Variants in PDGFRA observed in about 807,000 individuals in gnomAD.
The protein encoded by PDGFRA is platelet derived growth factor receptor alpha.
PDGFRA carries 25 observed loss-of-function variants against 121.5 expected under a neutral mutation model. That is an observed-to-expected ratio of 0.21 (90% confidence interval 0.15 to 0.29). The LOEUF is 0.29. Ranked by LOEUF, PDGFRA falls within the 10% of genes least tolerant of loss-of-function variation. The pLI, the probability that PDGFRA is intolerant of heterozygous loss-of-function variation, is 1.00. For synonymous variants in PDGFRA, 463 were observed against 494.8 expected (o/e 0.94, Z 0.85); for missense variants, 1,008 against 1,345.1 (o/e 0.75, Z 3.92).
Position 54,296,443 on chromosome 4 carries a change from C to G in PDGFRA, c.*1171C>G. On this transcript the variant is annotated 3_prime_UTR_variant, in exon 23 of 23. Transcript: ENST00000257290. ...ATATGTATTTTTTGAATCTATGAAC[C>G]TGAAAAGGGTCAGAAGGATGCCCAG... The G allele has an allele frequency of 4.6e-6, 1 of 215,274 alleles. No individual in the cohort carries two copies. Among genetic ancestry groups the G allele is most frequent in the East Asian group, 6.9e-5 (1 of 14,426 alleles). 13.3% of individuals were successfully genotyped at this position (215,274 alleles called of 1,614,324 possible). A position where few individuals can be genotyped will look rare whatever the true frequency, so the allele number is the denominator to read the frequency against.
intron 1 of PDGFRA, among the ~76,000 whole-genome samples, chr4:54,244,567 T>C (rs967569764): frequency 1.3e-5 from 2 of 152,104 alleles, no homozygotes; most frequent in Non-Finnish European, 2.9e-5. Flanking sequence ...AACCCATCTG[T>C]ACATCACCAT....
At chr4:54,294,044 A>G (rs1391930866) in intron 22 of PDGFRA, among the ~76,000 whole-genome samples, 1 of 151,896 alleles carries the variant, frequency 6.6e-6, no homozygotes, top group Non-Finnish European at 1.5e-5. Context: ...GTTTATTTGT[A>G]TGGACTGGGT....
At chr4:54,289,262 G>A (rs912084859) in intron 21 of PDGFRA, 148 bp downstream of exon 21, 40 of 700,496 alleles carry the variant, frequency 5.7e-5, no homozygotes, top group African/African-American at 2.5e-4. Flanking sequence ...GGTGCTCCAC[G>A]AGACCCTAGT....
chr4:54,242,688 C>A (rs1721374537), intron 1 of PDGFRA, among the ~76,000 whole-genome samples: 1 of 151,918 alleles, frequency 6.6e-6, no homozygotes, highest in Non-Finnish European at 1.5e-5. Flanking sequence ...TCTCAGTGGA[C>A]TGAATTATTT....
At position 54,274,523 on chromosome 4, in the gene PDGFRA, T is replaced by C. The variant is rs113586781; in HGVS notation, c.1559-8T>C. On this transcript the variant is annotated splice_polypyrimidine_tract_variant and splice_region_variant and intron_variant, in intron 10 of 22. Transcript: ENST00000257290. ...CTTTTCATTGTGCCTCTCTCTCTTG[T>C]CACGTAGCCCTGCGTTCTGAACTCA... 6.2e-7 allele frequency: 1 copy of C among 1,607,474 alleles called. No individual in the cohort carries two copies. Among genetic ancestry groups the C allele is most frequent in the South Asian group, 1.1e-5 (1 of 90,920 alleles).
At chr4:54,231,987 G>T (rs1023565411) in intron 1 of PDGFRA, among the ~76,000 whole-genome samples, 2 of 152,256 alleles carry the variant, frequency 1.3e-5, no homozygotes, top group Non-Finnish European at 2.9e-5. Flanking sequence ...GCCTCCTGGG[G>T]ACGGACCGTG....
intron 1 of PDGFRA, among the ~76,000 whole-genome samples, chr4:54,251,825 A>G (rs143709596): frequency 5.3e-5 from 8 of 152,310 alleles, no homozygotes; most frequent in African/African-American, 1.9e-4. Context: ...GCCTAATGTG[A>G]GATTCTTTTT....
Position 54,296,779 on chromosome 4 carries a change from T to C in PDGFRA, c.*1507T>C, listed in dbSNP as rs1314937650. The C allele has an allele frequency of 4.3e-6, 1 of 232,972 alleles. No homozygotes were observed. Among genetic ancestry groups the C allele is most frequent in the Non-Finnish European group, 8.5e-6 (1 of 117,970 alleles). 14.4% of individuals were successfully genotyped at this position (232,972 alleles called of 1,614,324 possible). On this transcript the variant is annotated 3_prime_UTR_variant, in exon 23 of 23. Transcript: ENST00000257290. ...AAATAATTTGAACTTTGGAACAGGG[T>C]TGGCATTCAACCACGCAGGAAGCCT...
intron 19 of PDGFRA, among the ~76,000 whole-genome samples, 158 bp downstream of exon 19, chr4:54,287,699 G>T (rs1724424851): frequency 6.6e-6 from 1 of 152,212 alleles, no homozygotes; most frequent in Non-Finnish European, 1.5e-5. Flanking sequence ...GCCTTATTGT[G>T]TCTGAGATAG....
chr4:54,272,338 CTCATATGT>C, intron 8 of PDGFRA, 48 bp from the exon 9 acceptor site: 6 of 1,598,094 alleles, frequency 3.8e-6, no homozygotes, highest in Non-Finnish European at 5.1e-6. Context: ...ACTTTGTAGT[CTCATATGT>C]TCTGGGACAC....
chr4:54,277,315 G>A lies in PDGFRA; in HGVS notation c.1787-73G>A, dbSNP rs111808788. ...ACTCGCCCAGCTGTCCGCCCGCAGA[G>A]AGCTGGCTACGGTGCAGAAAGCTGA... On this transcript the variant is annotated intron_variant, in intron 12 of 22. Coordinates refer to ENST00000257290, the MANE Select transcript of PDGFRA (RefSeq NM_006206.6). The A allele has an allele frequency of 1.8e-3, 1,795 of 987,434 alleles. 21 individuals carry two copies. The African/African-American group carries it at 0.025, about 14-fold the overall frequency. The allele number at this position is 987,434 out of a possible 1,614,324, so 61.2% of individuals were successfully genotyped here.
At position 54,273,016 on chromosome 4, in the gene PDGFRA, T is replaced by C. The variant is rs1448731822; in HGVS notation, c.1364+496T>C. ...GTTTCTTCCTCTAGACAGAGACTCC[T>C]CATCTTAACTTCTAGGGCTAAGAAC... On this transcript the variant is annotated intron_variant, in intron 9 of 22. Transcript: ENST00000257290. 3.9e-5 allele frequency among the ~76,000 whole-genome samples: 6 copies of C among 152,246 alleles called. 1 individual carries two copies. Among genetic ancestry groups the C allele is most frequent in the Non-Finnish European group, 2.9e-5 (2 of 68,044 alleles).
rs751786947 is a variant in PDGFRA at position 54,295,223 on chromosome 4, A to G, written c.3221A>G (p.Asp1074Gly). 8 of 1,613,948 alleles carry G rather than the reference A, an allele frequency of 5.0e-6. No homozygotes were observed. The Admixed American group carries it at 8.3e-5, about 17-fold the overall frequency. The change falls in exon 23 of 23, where the codon GAT (aspartate) becomes GGT (glycine). Residue 1074 changes from aspartate (D) to glycine (G), a missense_variant. Physicochemically the swap from Asp to Gly is moderately conservative, Grantham distance 94. Around this residue, in one of 5 missense-constraint regions of PDGFRA, gnomAD observed 204 missense variants for 243.0 expected, o/e 0.84. Coordinates refer to ENST00000257290, the MANE Select transcript of PDGFRA (RefSeq NM_006206.6). Reference protein sequence around the residue: ...DETIEDIDMMDDIGIDSSDLV... With the variant: ...DETIEDIDMMGDIGIDSSDLV... ...ACCATTGAAGACATCGACATGATGG[A>G]TGACATCGGCATAGACTCTTCAGAC...
At chr4:54,245,242 G>T (rs373093716) in intron 1 of PDGFRA, among the ~76,000 whole-genome samples, 6 of 152,246 alleles carry the variant, frequency 3.9e-5, no homozygotes, top group African/African-American at 1.4e-4. Flanking sequence ...TCCTCGAGAA[G>T]AGCAACTCCA....
chr4:54,286,416 C>T (rs11940889), intron 18 of PDGFRA, among the ~76,000 whole-genome samples: 30,583 of 151,208 alleles, frequency 0.2, 3,700 homozygotes, highest in African/African-American at 0.32. Context: ...AGTGCAGTGG[C>T]GCAATCTTGG....
intron 1 of PDGFRA, among the ~76,000 whole-genome samples, chr4:54,242,478 T>C (rs533797858): frequency 6.6e-6 from 1 of 152,264 alleles, no homozygotes; most frequent in East Asian, 1.9e-4. Flanking sequence ...TTAAAAGGAT[T>C]TTTTAAAGGA....
At chr4:54,264,009 T>TTA in intron 4 of PDGFRA, 82 bp downstream of exon 4, 2 of 1,073,294 alleles carry the variant, frequency 1.9e-6, no homozygotes, top group Non-Finnish European at 2.7e-6. Flanking sequence ...TTTTTTTTTT[T>TTA]AAATCATCAT....
chr4:54,279,112 C>T, intron 15 of PDGFRA: 1 of 292,886 alleles, frequency 3.4e-6, no homozygotes, highest in South Asian at 3.0e-5. Flanking sequence ...CAAGTTCCAA[C>T]CAAGGCTTGT....
rs183614605 is a variant in PDGFRA, at chr4:54,287,216, A to C, written c.2563-214A>C. On this transcript the variant is annotated intron_variant, in intron 18 of 22. Transcript: ENST00000257290. ...TTGGAGGACATAAAAGGCAATATTG[A>C]CCATTCATCATTCATCTAGTATTTA... Among the ~76,000 whole-genome samples the C allele has an allele frequency of 3.9e-5, 6 of 152,186 alleles. No individual in the cohort carries two copies. In the East Asian group the frequency reaches 1.2e-3, roughly 29 times the overall value.
Sources: allele counts gnomAD v4.1 joint callset (sites outside exome capture counted in the v4.1 genomes callset), GRCh38; gene constraint gnomAD v4.1.1; regional missense constraint gnomAD v4.1.1; transcripts MANE v1.5; gene names NCBI Gene and HGNC (gene_info 2026-07-23, HGNC 2026-07-21).